CELF2: variants seen among roughly 807,000 people sequenced by gnomAD.
CELF2 encodes CUG triplet repeat RNA-binding protein 2.
CELF2 carries 8 observed loss-of-function variants against 62.6 expected under a neutral mutation model. The observed-to-expected ratio is 0.13, with a 90% CI of 0.07 to 0.23. The LOEUF (loss-of-function observed/expected upper bound fraction) is 0.23. CELF2 is among the 10% of genes least tolerant of loss of function. The pLI is 1.00. For synonymous variants in CELF2, 258 were observed against 250.0 expected, an observed-to-expected ratio of 1.03 and a Z score of -0.30; for missense variants, 333 against 671.0, an observed-to-expected ratio of 0.50 and a Z score of 5.56.
At chr10:11,312,252 C>G (rs2094600005) in intron 9 of CELF2, among the ~76,000 whole-genome samples, 1 of 152,042 alleles carries the variant, frequency 6.6e-6, no homozygotes, top group Non-Finnish European at 1.5e-5. Flanking sequence ...ACCAATAGAC[C>G]CTCACAAAAT....
chr10:11,086,181 T>G (rs948922696), intron 1 of CELF2, among the ~76,000 whole-genome samples: 1 of 152,154 alleles, frequency 6.6e-6, no homozygotes, highest in Non-Finnish European at 1.5e-5. Context: ...TTCAGGATAA[T>G]GCAGTGCCAT....
rs755415253 is a variant in CELF2 at position 11,220,540 on chromosome 10, A to G, written c.354+3033A>G. On this transcript the variant is annotated intron_variant, in intron 3 of 12. Transcript: ENST00000633077. This position sits in a 1 kb window ranked among gnomAD's most constrained non-coding sequence, Gnocchi z 4.4. ...GAAACGACTCCCAGATTGAGGTGAC[A>G]GATCAGGGCTCTTACGGAGCAGTGC... 6.6e-6 allele frequency among the ~76,000 whole-genome samples: 1 copy of G among 152,236 alleles called. No homozygotes were observed. The highest frequency in any genetic ancestry group is 1.5e-5 in the Non-Finnish European group (1 of 68,034).
rs1448083717 is a variant in CELF2, at chr10:11,267,782, A to C, written c.618+1105A>C. Among the ~76,000 whole-genome samples, 1 of 152,012 alleles carries C rather than the reference A, an allele frequency of 6.6e-6. No individual in the cohort carries two copies. The highest frequency in any genetic ancestry group is 2.4e-5 in the African/African-American group (1 of 41,362). ...TCATGTTTTGTGGGCAACTTTTTTT[A>C]TAGTGAATCAAAAGGTGGGTGCAAA... On this transcript the variant is annotated intron_variant, in intron 6 of 12. Transcript: ENST00000633077. The surrounding 1 kb of genome is among the most constrained non-coding windows in gnomAD (Gnocchi z 4.4).
At chr10:10,508,680 G>A in the CELF2 span, among the ~76,000 whole-genome samples, 2 of 77,584 alleles carry the variant, frequency 2.6e-5, no homozygotes, top group African/African-American at 8.4e-5. Context: ...GTGTGTGTGT[G>A]TGTGTGTGTG....
chr10:10,492,005 G>T, the CELF2 span, among the ~76,000 whole-genome samples: 1 of 151,082 alleles, frequency 6.6e-6, no homozygotes, highest in Non-Finnish European at 1.5e-5. Flanking sequence ...TCTTCCTCCC[G>T]TCCTCTCACT....
intron 1 of CELF2, among the ~76,000 whole-genome samples, chr10:11,058,461 G>GTTTTTTTGTTTTTT (rs2065868708): frequency 8.6e-6 from 1 of 116,804 alleles, no homozygotes; most frequent in African/African-American, 3.2e-5. Flanking sequence ...TTTTTTGTTG[G>GTTTTTTTGTTTTTT]TTTTTTTTTT....
the CELF2 span, among the ~76,000 whole-genome samples, chr10:10,696,863 A>G: frequency 6.6e-6 from 1 of 151,954 alleles, no homozygotes; most frequent in African/African-American, 2.4e-5. Context: ...CGTGCACCCA[A>G]TGACCTATGC....
At position 11,126,716 on chromosome 10, in the gene CELF2, C is replaced by T. The variant is rs192694421; in HGVS notation, c.75-38770C>T. On this transcript the variant is annotated intron_variant, in intron 1 of 12. Coordinates refer to ENST00000633077, the MANE Select transcript of CELF2 (RefSeq NM_001326342.2). ...CTGTGAATACAGAGTAAGTCTTTGA[C>T]ATTTCATAAGTTTCATAATATATAC... Among the ~76,000 whole-genome samples, 3 of 152,246 alleles carry T rather than the reference C, an allele frequency of 2.0e-5. No homozygotes were observed. In the East Asian group the frequency reaches 5.8e-4, roughly 29 times the overall value.
chr10:10,953,087 G>A (rs1012318213), intron 2 of CELF2, among the ~76,000 whole-genome samples: 12 of 152,136 alleles, frequency 7.9e-5, no homozygotes, highest in Non-Finnish European at 1.6e-4. Flanking sequence ...GGTTACTCTC[G>A]TTCTGTCCTC....
Position 11,270,492 on chromosome 10 carries a change from T to A in CELF2, c.619-174T>A, listed in dbSNP as rs1452887364. On this transcript the variant is annotated intron_variant, in intron 6 of 12. Coordinates refer to ENST00000633077, the MANE Select transcript of CELF2 (RefSeq NM_001326342.2). This position sits in a 1 kb window ranked among gnomAD's most constrained non-coding sequence, Gnocchi z 5.8. ...AAGAAACCACTGGCAGTGTCTGGAA[T>A]TTTCTGTTGATGGTACTATTCAGAG... 1.2e-4 allele frequency among the ~76,000 whole-genome samples: 19 copies of A among 152,148 alleles called. No individual in the cohort carries two copies. Among genetic ancestry groups the A allele is most frequent in the Admixed American group, 1.2e-3 (19 of 15,288 alleles).
chr10:11,184,127 T>C (rs1187532750), intron 2 of CELF2, among the ~76,000 whole-genome samples: 2 of 152,256 alleles, frequency 1.3e-5, no homozygotes, highest in African/African-American at 4.8e-5. Context: ...TTTTTGCATG[T>C]GGATATTCAA....
At chr10:11,276,560 T>A (rs146185672) in intron 8 of CELF2, among the ~76,000 whole-genome samples, 1 of 152,238 alleles carries the variant, frequency 6.6e-6, no homozygotes, top group African/African-American at 2.4e-5. Flanking sequence ...GAAAACCTCC[T>A]GATTGCAAGC....
Position 11,246,139 on chromosome 10 carries a change from A to T in CELF2, c.355-3014A>T, listed in dbSNP as rs2075540463. The stretch of plus-strand genomic sequence containing the variant: ...TTCACAGATGCATCTGAATGCTCAC[A>T]GTGCTCTATTTGTGCTCTTCTGTTT... On this transcript the variant is annotated intron_variant, in intron 3 of 12. Coordinates refer to ENST00000633077, the MANE Select transcript of CELF2 (RefSeq NM_001326342.2). This position sits in a 1 kb window ranked among gnomAD's most constrained non-coding sequence, Gnocchi z 4.6. 6.6e-6 allele frequency among the ~76,000 whole-genome samples: 1 copy of T among 152,038 alleles called. No individual in the cohort carries two copies. The highest frequency in any genetic ancestry group is 6.5e-5 in the Admixed American group (1 of 15,272).
At chr10:10,510,157 G>A in the CELF2 span, among the ~76,000 whole-genome samples, 1 of 152,156 alleles carries the variant, frequency 6.6e-6, no homozygotes, top group South Asian at 2.1e-4. Context: ...TCTTGGTTAA[G>A]GCTTCATTTT....
At chr10:10,526,280 T>TA in the CELF2 span, among the ~76,000 whole-genome samples, 8 of 152,222 alleles carry the variant, frequency 5.3e-5, no homozygotes, top group African/African-American at 1.9e-4. Flanking sequence ...AATGTTCTAA[T>TA]AAAAAATTAT....
chr10:10,630,992 T>C, the CELF2 span, among the ~76,000 whole-genome samples: 2 of 152,262 alleles, frequency 1.3e-5, no homozygotes, highest in African/African-American at 4.8e-5. Context: ...CCAGGGGAGC[T>C]CTAATTTGGA....
intron 8 of CELF2, among the ~76,000 whole-genome samples, chr10:11,276,771 G>C (rs1193084392): frequency 6.6e-6 from 1 of 152,236 alleles, no homozygotes; most frequent in Non-Finnish European, 1.5e-5. Context: ...CGGGTGGACA[G>C]CGTGCCCTGT....
At chr10:10,999,290 T>G (rs536398362) in intron 2 of CELF2, among the ~76,000 whole-genome samples, 2 of 152,352 alleles carry the variant, frequency 1.3e-5, no homozygotes, top group South Asian at 4.1e-4. Flanking sequence ...TACCACACGT[T>G]GTTCTAAAGT....
At position 11,165,142 on chromosome 10, in the gene CELF2, T is replaced by A. The variant is rs2066675589; in HGVS notation, c.75-344T>A. On this transcript the variant is annotated intron_variant, in intron 1 of 12. Coordinates refer to ENST00000633077, the MANE Select transcript of CELF2 (RefSeq NM_001326342.2). This position sits in a 1 kb window ranked among gnomAD's most constrained non-coding sequence, Gnocchi z 7.4. Reference sequence around the variant, plus strand: ...CAGGGTAGGGCTGATAAGGCGCTGATGCGTTGATGGCAGCCTTGCAGAGCT... The same window carrying A: ...CAGGGTAGGGCTGATAAGGCGCTGAAGCGTTGATGGCAGCCTTGCAGAGCT... The A allele has an allele frequency of 4.7e-6, 5 of 1,071,240 alleles. No individual in the cohort carries two copies. In the South Asian group the frequency reaches 1.2e-4, roughly 27 times the overall value. The allele number at this position is 1,071,240 out of a possible 1,614,324, so 66.4% of individuals were successfully genotyped here.
Sources: allele counts gnomAD v4.1 joint callset (sites outside exome capture counted in the v4.1 genomes callset), GRCh38; gene constraint gnomAD v4.1.1; non-coding constraint Gnocchi (gnomAD v3.1); transcripts MANE v1.5; gene names NCBI Gene and HGNC (gene_info 2026-07-23, HGNC 2026-07-21).